The following CNNM2 variants were observed in gnomAD, a reference collection of about 807,000 sequenced individuals.
CNNM2 encodes metal transporter CNNM2.
Under a neutral mutation model 66.9 loss-of-function variants are expected in CNNM2, and 12 were observed. That is an observed-to-expected ratio of 0.18 (90% CI 0.11 to 0.29). The LOEUF (loss-of-function observed/expected upper bound fraction) is 0.29, where lower values mean the gene tolerates loss of function less well. CNNM2 is among the 10% of genes least tolerant of loss of function. CNNM2 has a pLI of 1.00. For missense variants in CNNM2, 705 were observed against 1,167.7 expected (o/e 0.60, Z 5.77); for synonymous variants, 557 against 501.8 (o/e 1.11, Z -1.47).
intron 1 of CNNM2, among the ~76,000 whole-genome samples, chr10:102,933,821 C>T (rs1159512518): frequency 6.6e-6 from 1 of 151,918 alleles, no homozygotes; most frequent in Non-Finnish European, 1.5e-5. Context: ...AGATATACAC[C>T]ATCAGGCACT....
chr10:102,936,540 A>G (rs1380928275), intron 1 of CNNM2, among the ~76,000 whole-genome samples: 3 of 147,860 alleles, frequency 2.0e-5, no homozygotes, highest in African/African-American at 7.5e-5. Flanking sequence ...TTTTGGTGCA[A>G]TGGGGGTGGG....
In CNNM2 at chr10:103,089,524, T is replaced by C. The variant is rs2066151721; in HGVS notation, c.*12344T>C. The C allele has an allele frequency of 8.7e-6, 12 of 1,371,568 alleles. No individual in the cohort carries two copies. The highest frequency in any genetic ancestry group is 1.2e-5 in the Non-Finnish European group (12 of 1,042,000). 85.0% of individuals were successfully genotyped at this position (1,371,568 alleles called of 1,614,324 possible). A position where few individuals can be genotyped will look rare whatever the true frequency, so the allele number is the denominator to read the frequency against. On this transcript the variant is annotated 3_prime_UTR_variant, in exon 8 of 8. Coordinates refer to ENST00000369878, the MANE Select transcript of CNNM2 (RefSeq NM_017649.5). Reference sequence around the variant, plus strand: ...TACACAAAACCAAAACAAGTATCTATGATAATAAAATCTTCAGAAACTTTT... The same window carrying C: ...TACACAAAACCAAAACAAGTATCTACGATAATAAAATCTTCAGAAACTTTT...
At position 103,073,103 on chromosome 10, in the gene CNNM2, C is replaced by T. The variant is rs192659399; in HGVS notation, c.2233+1264C>T. 1.1e-3 allele frequency among the ~76,000 whole-genome samples: 165 copies of T among 152,344 alleles called. 1 individual carries two copies. Among genetic ancestry groups the T allele is most frequent in the Non-Finnish European group, 5.0e-4 (34 of 68,038 alleles). On this transcript the variant is annotated intron_variant, in intron 6 of 7. Transcript: ENST00000369878. ...CGCCTCTGCTCGCGCTGGCGCCCGT[C>T]GAGCTGTTGAAAGGGACATGGAAGG...
intron 4 of CNNM2, among the ~76,000 whole-genome samples, chr10:103,066,755 A>T (rs959881904): frequency 3.9e-5 from 6 of 152,166 alleles, no homozygotes; most frequent in Non-Finnish European, 5.9e-5. Context: ...CTTGTGTGCC[A>T]TGTGGGCTGT....
chr10:103,039,155 T>G (rs1441475755), intron 1 of CNNM2, among the ~76,000 whole-genome samples: 1 of 151,956 alleles, frequency 6.6e-6, no homozygotes, highest in East Asian at 1.9e-4. Flanking sequence ...TTTTTTTGCT[T>G]TTTTTTTGAG....
Position 102,976,477 on chromosome 10 carries a change from A to G in CNNM2, c.1621+56376A>G, listed in dbSNP as rs1183360925. Reference sequence around the variant, plus strand: ...GAGATGGAATCTTGCTCTGTCACCCAGGCTGGAGTGCAGGGGTGTGATTGC... The same window carrying G: ...GAGATGGAATCTTGCTCTGTCACCCGGGCTGGAGTGCAGGGGTGTGATTGC... On this transcript the variant is annotated intron_variant, in intron 1 of 7. Transcript: ENST00000369878. 2.5e-5 allele frequency among the ~76,000 whole-genome samples: 3 copies of G among 118,418 alleles called. No individual in the cohort carries two copies. In the South Asian group the frequency reaches 8.5e-4, roughly 34 times the overall value. The allele number at this position is 118,418 out of a possible 152,430, so 77.7% of individuals were successfully genotyped here.
intron 1 of CNNM2, among the ~76,000 whole-genome samples, chr10:102,964,435 G>A (rs2063429295): frequency 1.3e-5 from 2 of 152,042 alleles, no homozygotes; most frequent in South Asian, 4.1e-4. Context: ...CACTGTGTTG[G>A]CCAGGCTGAT....
At chr10:103,051,655 G>A (rs950853030) in intron 2 of CNNM2, among the ~76,000 whole-genome samples, 1 of 150,396 alleles carries the variant, frequency 6.6e-6, no homozygotes, top group Non-Finnish European at 1.5e-5. Context: ...CAGGATAATC[G>A]CTTGAACCCA....
chr10:103,052,555 C>A (rs1010831795), intron 2 of CNNM2, among the ~76,000 whole-genome samples: 1 of 151,184 alleles, frequency 6.6e-6, no homozygotes, highest in Non-Finnish European at 1.5e-5. Context: ...GCTCTATTGC[C>A]CAGGCTGGAG....
At chr10:102,974,689 G>A (rs899235791) in intron 1 of CNNM2, among the ~76,000 whole-genome samples, 1 of 151,904 alleles carries the variant, frequency 6.6e-6, no homozygotes, top group Non-Finnish European at 1.5e-5. Flanking sequence ...ACACACTACT[G>A]TGCCTGGCCA....
At chr10:102,961,127 C>G (rs1371490581) in intron 1 of CNNM2, among the ~76,000 whole-genome samples, 1 of 152,140 alleles carries the variant, frequency 6.6e-6, no homozygotes, top group Non-Finnish European at 1.5e-5. Flanking sequence ...ATCCAGCCGC[C>G]TCAGCCTCCC....
At chr10:102,941,801 C>G (rs1288638691) in intron 1 of CNNM2, among the ~76,000 whole-genome samples, 5 of 152,108 alleles carry the variant, frequency 3.3e-5, no homozygotes, top group Middle Eastern at 3.4e-3. Flanking sequence ...TTTTTTTCAC[C>G]TGCCTCTCCT....
chr10:102,996,260 T>G (rs577441284), intron 1 of CNNM2, among the ~76,000 whole-genome samples: 5 of 152,160 alleles, frequency 3.3e-5, no homozygotes, highest in Admixed American at 1.3e-4. Context: ...TTTTTCTGCT[T>G]TCAGTAGTTA....
chr10:103,034,898 G>A (rs2064902341), intron 1 of CNNM2, among the ~76,000 whole-genome samples: 1 of 149,710 alleles, frequency 6.7e-6, no homozygotes, highest in Admixed American at 6.7e-5. Context: ...CCCGGGAAGC[G>A]GAGCTTGCAG....
intron 1 of CNNM2, among the ~76,000 whole-genome samples, chr10:102,965,336 A>G (rs1015557472): frequency 2.6e-5 from 4 of 152,176 alleles, no homozygotes; most frequent in Non-Finnish European, 5.9e-5. Flanking sequence ...AACCTCTTAA[A>G]TTGGGCTGGC....
At chr10:103,004,407 A>G (rs1182277074) in intron 1 of CNNM2, among the ~76,000 whole-genome samples, 3 of 152,200 alleles carry the variant, frequency 2.0e-5, no homozygotes, top group Non-Finnish European at 4.4e-5. Context: ...ATTCTCGAAC[A>G]TGTCTTTTGG....
Position 103,047,001 on chromosome 10 carries a change from A to C in CNNM2, c.1622-2706A>C, listed in dbSNP as rs569687237. Among the ~76,000 whole-genome samples, 3 of 152,324 alleles carry C rather than the reference A, an allele frequency of 2.0e-5. No homozygotes were observed. The East Asian group carries it at 5.8e-4, about 29-fold the overall frequency. ...AAATCTTCTTTACAGAAGAATACTGAATAATATATGCAGGTACTCCCCCTT... is the reference window on the plus strand; with the variant it reads ...AAATCTTCTTTACAGAAGAATACTGCATAATATATGCAGGTACTCCCCCTT... On this transcript the variant is annotated intron_variant, in intron 1 of 7. Coordinates refer to ENST00000369878, the MANE Select transcript of CNNM2 (RefSeq NM_017649.5).
intron 1 of CNNM2, among the ~76,000 whole-genome samples, chr10:102,934,802 T>G (rs1016946110): frequency 4.6e-5 from 7 of 150,902 alleles, no homozygotes; most frequent in African/African-American, 7.3e-5. Context: ...AAGCTATGAT[T>G]GTGTCACTGT....
chr10:103,049,988 T>G (rs372586010), intron 2 of CNNM2, 138 bp downstream of exon 2: 7 of 769,960 alleles, frequency 9.1e-6, no homozygotes, highest in African/African-American at 5.2e-5. Flanking sequence ...CACAACCTGT[T>G]GGTATATTCC....
Sources: gnomAD v4.1 joint callset for allele counts (sites outside exome capture counted in the v4.1 genomes callset) on GRCh38, gnomAD v4.1.1 for gene constraint, MANE v1.5 for transcripts, NCBI Gene and HGNC (gene_info 2026-07-23, HGNC 2026-07-21) for gene names.